Variants in SMG1 observed in about 807,000 individuals in gnomAD.
SMG1 encodes the protein SMG1 nonsense mediated mRNA decay associated PI3K related kinase.
Under a neutral mutation model 419.9 loss-of-function variants are expected in SMG1, and 22 were observed. That is an observed-to-expected ratio of 0.05 (90% confidence interval 0.04 to 0.07). The LOEUF (loss-of-function observed/expected upper bound fraction) is 0.07, where lower values mean the gene tolerates loss of function less well. Ranked by LOEUF, SMG1 falls within the 10% of genes least tolerant of loss-of-function variation. The pLI, the probability that SMG1 is intolerant of heterozygous loss-of-function variation, is 1.00. For missense variants in SMG1, 3,185 were observed against 4,342.0 expected (o/e 0.73, Z 7.49); for synonymous variants, 1,538 against 1,553.5 (o/e 0.99, Z 0.23).
intron 28 of SMG1, 175 bp downstream of exon 28, chr16:18,858,847 T>A (rs118139637): frequency 8.2e-5 from 43 of 526,218 alleles, no homozygotes; most frequent in Non-Finnish European, 1.2e-4. Flanking sequence ...GGTTCTTCCA[T>A]CTGCCCCATG....
chr16:18,874,739 G>A (rs2036012547), intron 13 of SMG1, among the ~76,000 whole-genome samples: 1 of 150,430 alleles, frequency 6.6e-6, no homozygotes, highest in South Asian at 2.1e-4. Context: ...AGTGGTAGGT[G>A]TCTGTAATCT....
intron 1 of SMG1, among the ~76,000 whole-genome samples, chr16:18,908,817 A>T (rs1391048930): frequency 1.3e-5 from 2 of 151,392 alleles, no homozygotes; most frequent in African/African-American, 4.9e-5. Flanking sequence ...GAGGTGGAGC[A>T]TGCAGTAAGC....
chr16:18,842,299 G>A lies in SMG1; in HGVS notation c.6375C>T (p.Gly2125=), dbSNP rs777875498. The A allele has an allele frequency of 2.4e-5, 39 of 1,613,804 alleles. No homozygotes were observed. The highest frequency in any genetic ancestry group is 6.7e-5 in the African/African-American group (5 of 74,910). Residue 2125 remains glycine, a synonymous_variant, in exon 40 of 63, where the codon GGC becomes GGT. Coordinates refer to ENST00000446231, the MANE Select transcript of SMG1 (RefSeq NM_015092.5). The part of the protein sequence containing the change: ...ARDTVTIHSV[G]GTITILPTKT... ...TAGTCGGTAAGATTGTGATGGTTCC[G>A]CCCACACTATGGATTGTGACAGTGT...
intron 3 of SMG1, among the ~76,000 whole-genome samples, chr16:18,895,294 CATGGTG>C (rs2037073405): frequency 6.6e-6 from 1 of 151,978 alleles, no homozygotes; most frequent in Admixed American, 6.6e-5. Flanking sequence ...GCCTGGCCAA[CATGGTG>C]AAACCCTGTC....
At chr16:18,845,076 C>T (rs781037460) in intron 39 of SMG1, among the ~76,000 whole-genome samples, 1 of 152,164 alleles carries the variant, frequency 6.6e-6, no homozygotes, top group South Asian at 2.1e-4. Context: ...TACATAGGCA[C>T]AAAGTTAAAT....
At chr16:18,831,790 T>TATATATAC (rs1303131673) in intron 51 of SMG1, among the ~76,000 whole-genome samples, 6 of 137,274 alleles carry the variant, frequency 4.4e-5, no homozygotes, top group Non-Finnish European at 6.4e-5. Flanking sequence ...TATATATATA[T>TATATATAC]ACACACACAC....
chr16:18,885,837 C>CT (rs2036588680), intron 6 of SMG1, among the ~76,000 whole-genome samples, 171 bp from the exon 7 acceptor site: 1 of 151,846 alleles, frequency 6.6e-6, no homozygotes, highest in East Asian at 1.9e-4. Flanking sequence ...TCCCAACTAC[C>CT]TGGGAGGCTG....
Position 18,829,622 on chromosome 16 carries a change from A to G in SMG1, c.9267T>C (p.Phe3089=). Residue 3089 remains phenylalanine (F), a synonymous_variant, in exon 54 of 63, where the codon TTT becomes TTC. Coordinates refer to ENST00000446231, the MANE Select transcript of SMG1 (RefSeq NM_015092.5). ...GTAGCCCTATCAAGAGCTGCCTCAC[A>G]AAGTCAGCTGTGAATGCCTTGATAG... ...AKPIKAFTAD[F]VRQLLIGLPN... 6.2e-7 allele frequency: 1 copy of G among 1,614,018 alleles called. No individual in the cohort carries two copies. Among genetic ancestry groups the G allele is most frequent in the Non-Finnish European group, 8.5e-7 (1 of 1,179,884 alleles).
At position 18,807,725 on chromosome 16, in the gene SMG1, T is replaced by G. The variant is rs918492280; in HGVS notation, c.*1844A>C. 2 of 152,110 alleles carry G rather than the reference T, an allele frequency of 1.3e-5. No homozygotes were observed. The highest frequency in any genetic ancestry group is 2.9e-5 in the Non-Finnish European group (2 of 68,018). 9.4% of individuals were successfully genotyped at this position (152,110 alleles called of 1,614,324 possible). On this transcript the variant is annotated 3_prime_UTR_variant, in exon 63 of 63. Transcript: ENST00000446231. ...GTGACCACTGTCCTAATCTCTAAAA[T>G]GCAGGGAAAATGTACTCAAACAATT...
chr16:18,924,881 C>T (rs1211180572), intron 1 of SMG1: 1 of 152,204 alleles, frequency 6.6e-6, no homozygotes, highest in Non-Finnish European at 1.5e-5. Flanking sequence ...TTTCCAAATA[C>T]TGCTGGAATT....
chr16:18,839,713 C>A lies in SMG1; in HGVS notation c.6930G>T (p.Trp2310Cys), dbSNP rs1448171829. 6.2e-7 allele frequency: 1 copy of A among 1,613,902 alleles called. No individual in the cohort carries two copies. Among genetic ancestry groups the A allele is most frequent in the Non-Finnish European group, 8.5e-7 (1 of 1,179,914 alleles). ...LWSSCTTPDE[W>C]WRVTQSYARS... ...AAGCACATACCTGCGTAACTCTCCA[C>A]CATTCATCAGGTGTTGTGCAAGATG... Residue 2310 changes from tryptophan (W) to cysteine (C), a missense_variant, in exon 42 of 63, where the codon TGG becomes TGT. This residue lies in a region of SMG1 where 132 missense variants were observed against 151.0 expected (regional missense o/e 0.87). Coordinates refer to ENST00000446231, the MANE Select transcript of SMG1 (RefSeq NM_015092.5).
rs752794308 is a variant in SMG1 at position 18,845,655 on chromosome 16, A to C, written c.5997-4T>G. 3 of 1,597,402 alleles carry C rather than the reference A, an allele frequency of 1.9e-6. No homozygotes were observed. The highest frequency in any genetic ancestry group is 2.6e-6 in the Non-Finnish European group (3 of 1,171,980). ...CATGATTGCAATTTTCTCTTCTCTG[A>C]CCAAGAAGACATTTTTATTCAAAAA... On this transcript the variant is annotated splice_polypyrimidine_tract_variant and splice_region_variant and intron_variant, in intron 38 of 62. Transcript: ENST00000446231.
intron 57 of SMG1, 91 bp downstream of exon 57, chr16:18,817,200 C>T: frequency 8.9e-7 from 1 of 1,117,634 alleles, no homozygotes. Flanking sequence ...AGTATATGCT[C>T]AACGAATGTA....
chr16:18,889,683 G>T (rs1013614749), intron 5 of SMG1, 98 bp from the exon 6 acceptor site: 289 of 577,686 alleles, frequency 5.0e-4, no homozygotes, highest in Non-Finnish European at 7.8e-4. Context: ...GTCTTAAGTG[G>T]TTTTTTAAAT....
At position 18,916,093 on chromosome 16, in the gene SMG1, GAA is replaced by G. The variant is rs71141095; in HGVS notation, c.92+9855_92+9856del. Reference sequence around the variant, plus strand: ...TCAAAAAAAAAAAAAAAAAAAACCAGAAAAAAAAAAAAAACCACCACCACTTA... The same window carrying G: ...TCAAAAAAAAAAAAAAAAAAAACCAGAAAAAAAAAAAACCACCACCACTTA... On this transcript the variant is annotated intron_variant, in intron 1 of 62. Coordinates refer to ENST00000446231, the MANE Select transcript of SMG1 (RefSeq NM_015092.5). 3.8e-3 allele frequency among the ~76,000 whole-genome samples: 402 copies of G among 105,784 alleles called. 4 individuals are homozygous for G. Among genetic ancestry groups the G allele is most frequent in the Middle Eastern group, 0.014 (2 of 138 alleles). 69.4% of individuals were successfully genotyped at this position (105,784 alleles called of 152,430 possible).
chr16:18,834,449 T>A lies in SMG1; in HGVS notation c.8331-11A>T, dbSNP rs770219706. 1 of 1,607,888 alleles carries A rather than the reference T, an allele frequency of 6.2e-7. No individual in the cohort carries two copies. Among genetic ancestry groups the A allele is most frequent in the Admixed American group, 1.7e-5 (1 of 59,332 alleles). On this transcript the variant is annotated splice_polypyrimidine_tract_variant and intron_variant, in intron 49 of 62. Transcript: ENST00000446231. ...ATCATCAGGTTACGCCTACAAGAGA[T>A]AAATATCTGTACAGTGAAACTTAAA...
At chr16:18,860,233 C>T (rs886194422) in intron 26 of SMG1, among the ~76,000 whole-genome samples, 25 of 152,036 alleles carry the variant, frequency 1.6e-4, no homozygotes, top group Non-Finnish European at 4.4e-5. Flanking sequence ...AAAAGAAAAT[C>T]GGTAAGTCAA....
chr16:18,888,109 G>C (rs1198550101), intron 6 of SMG1, among the ~76,000 whole-genome samples: 4 of 139,882 alleles, frequency 2.9e-5, no homozygotes, highest in Admixed American at 1.5e-4. Flanking sequence ...AAGTTGCAGT[G>C]AGCCGAGATC....
rs2141035533 is a variant in SMG1, at chr16:18,807,534, T to C, written c.*2035A>G. ...TCAAAAAAATCCACCGTGCCTACAA[T>C]ACTTGTTAAAGTACCAAAAAAGCAC... On this transcript the variant is annotated 3_prime_UTR_variant, in exon 63 of 63. Transcript: ENST00000446231. The C allele has an allele frequency of 6.6e-6, 1 of 152,324 alleles. No individual in the cohort carries two copies. The highest frequency in any genetic ancestry group is 1.9e-4 in the East Asian group (1 of 5,184). The allele number at this position is 152,324 out of a possible 1,614,324, so 9.4% of individuals were successfully genotyped here.
Sources: gnomAD v4.1 joint callset for allele counts (sites outside exome capture counted in the v4.1 genomes callset) on GRCh38, gnomAD v4.1.1 for gene constraint, gnomAD v4.1.1 regional missense constraint, MANE v1.5 for transcripts, NCBI Gene and HGNC (gene_info 2026-07-23, HGNC 2026-07-21) for gene names.